MBOAT2: variants seen among roughly 807,000 people sequenced by gnomAD.
MBOAT2 encodes membrane-bound glycerophospholipid O-acyltransferase 2.
Under a neutral mutation model 63.4 loss-of-function variants are expected in MBOAT2, and 28 were observed. The observed-to-expected ratio is 0.44, with a 90% CI of 0.33 to 0.61. The LOEUF is 0.61. Among genes scored for constraint, MBOAT2 ranks in the 20% least tolerant of loss-of-function variants. The probability of loss-of-function intolerance (pLI) is 0.03; values close to 1 mark genes in which losing one functional copy is unlikely to be tolerated. For synonymous variants in MBOAT2, 211 were observed against 215.6 expected (o/e 0.98, Z 0.19); for missense variants, 470 against 605.8 (o/e 0.78, Z 2.35).
At chr2:8,991,761 T>C (rs964858651) in intron 1 of MBOAT2, among the ~76,000 whole-genome samples, 8 of 152,226 alleles carry the variant, frequency 5.3e-5, no homozygotes, top group Non-Finnish European at 1.2e-4. Flanking sequence ...CTTAAAATTT[T>C]ACCCCAAATT....
chr2:8,959,580 G>C (rs1027113697), intron 1 of MBOAT2, among the ~76,000 whole-genome samples: 7 of 151,584 alleles, frequency 4.6e-5, no homozygotes, highest in African/African-American at 1.5e-4. Context: ...TCCCACCTCA[G>C]CCTTCCAAGT....
chr2:8,965,417 T>C (rs900447049), intron 1 of MBOAT2, among the ~76,000 whole-genome samples: 1 of 152,188 alleles, frequency 6.6e-6, no homozygotes, highest in Non-Finnish European at 1.5e-5. Context: ...GTACAGCAGA[T>C]GTGGGACCTC....
chr2:8,961,776 C>T (rs1359415425), intron 1 of MBOAT2, among the ~76,000 whole-genome samples: 1 of 152,148 alleles, frequency 6.6e-6, no homozygotes, highest in East Asian at 1.9e-4. Flanking sequence ...CTCAAATCTC[C>T]ACCCGCAGGG....
In MBOAT2 at chr2:8,884,057, T is replaced by C. The variant is rs1291011080; in HGVS notation, c.452-1492A>G. 2.8e-5 allele frequency among the ~76,000 whole-genome samples: 4 copies of C among 144,972 alleles called. No homozygotes were observed. In the South Asian group the frequency reaches 6.5e-4, roughly 23 times the overall value. On this transcript the variant is annotated intron_variant, in intron 5 of 12. Coordinates refer to ENST00000305997, the MANE Select transcript of MBOAT2 (RefSeq NM_138799.4). Reference sequence around the variant, plus strand: ...GGCCAACATGGTGAAACCTTGTCTTTACTAAAAAAAAAAAAAAAGAAAAAA... The same window carrying C: ...GGCCAACATGGTGAAACCTTGTCTTCACTAAAAAAAAAAAAAAAGAAAAAA...
chr2:8,985,173 A>C (rs983595524), intron 1 of MBOAT2, among the ~76,000 whole-genome samples: 1 of 152,180 alleles, frequency 6.6e-6, no homozygotes, highest in African/African-American at 2.4e-5. Flanking sequence ...TCAACTGGCT[A>C]TATTAGCTGA....
intron 1 of MBOAT2, among the ~76,000 whole-genome samples, chr2:8,985,222 T>C (rs949151817): frequency 1.1e-4 from 17 of 152,198 alleles, no homozygotes; most frequent in Admixed American, 2.6e-4. Context: ...CTGATGCTGA[T>C]TGAAAAATGA....
intron 1 of MBOAT2, among the ~76,000 whole-genome samples, chr2:8,991,211 G>A (rs181222391): frequency 3.9e-5 from 6 of 152,082 alleles, no homozygotes; most frequent in Admixed American, 2.6e-4. Flanking sequence ...CTAGAAAAAC[G>A]AAAAACTGAC....
At chr2:8,962,525 T>C (rs544443141) in intron 1 of MBOAT2, among the ~76,000 whole-genome samples, 3 of 152,322 alleles carry the variant, frequency 2.0e-5, no homozygotes, top group Admixed American at 6.5e-5. Flanking sequence ...TTCAGAGTTG[T>C]TCTATCTGCA....
chr2:8,987,799 T>C (rs1400642465), intron 1 of MBOAT2, among the ~76,000 whole-genome samples: 2 of 152,198 alleles, frequency 1.3e-5, no homozygotes, highest in African/African-American at 4.8e-5. Context: ...ATGAGCCCAA[T>C]TTTGTTTGAA....
At chr2:9,002,321 C>T (rs1672752294) in intron 1 of MBOAT2, among the ~76,000 whole-genome samples, 1 of 152,182 alleles carries the variant, frequency 6.6e-6, no homozygotes, top group African/African-American at 2.4e-5. Flanking sequence ...CTTCGACATA[C>T]TTAAGGCGAT....
At chr2:8,966,331 A>C (rs1669979536) in intron 1 of MBOAT2, among the ~76,000 whole-genome samples, 1 of 152,200 alleles carries the variant, frequency 6.6e-6, no homozygotes, top group African/African-American at 2.4e-5. Flanking sequence ...TACTCACCAG[A>C]CTAAGAAGAC....
chr2:8,918,400 T>C (rs553047874), intron 3 of MBOAT2, among the ~76,000 whole-genome samples: 2 of 152,266 alleles, frequency 1.3e-5, no homozygotes, highest in South Asian at 4.1e-4. Context: ...ACATCAAAGA[T>C]CACTGATCTC....
intron 3 of MBOAT2, 56 bp from the exon 4 acceptor site, chr2:8,908,772 T>C: frequency 9.4e-7 from 1 of 1,067,100 alleles, no homozygotes; most frequent in Non-Finnish European, 1.4e-6. Context: ...TGTTAAAGAG[T>C]ACATTTTAAA....
chr2:8,943,116 TAAAA>T (rs771107431), intron 3 of MBOAT2, 67 bp downstream of exon 3: 23 of 828,678 alleles, frequency 2.8e-5, no homozygotes, highest in Non-Finnish European at 7.1e-6. Context: ...ATGTAATAAA[TAAAA>T]TTCTATTTTG....
At chr2:8,998,248 C>G (rs1041598742) in intron 1 of MBOAT2, among the ~76,000 whole-genome samples, 3 of 152,212 alleles carry the variant, frequency 2.0e-5, no homozygotes, top group Admixed American at 2.0e-4. Flanking sequence ...AGGAATCGTT[C>G]ACAGCAGACT....
At chr2:8,872,964 C>A (rs1006708402) in intron 8 of MBOAT2, 144 bp downstream of exon 8, 2 of 561,346 alleles carry the variant, frequency 3.6e-6, no homozygotes, top group Non-Finnish European at 6.1e-6. Context: ...ATATGAGTTG[C>A]GAGGGCTGTT....
Position 9,003,080 on chromosome 2 carries a change from C to T in MBOAT2, c.75+460G>A, listed in dbSNP as rs1672821101. 6.6e-6 allele frequency among the ~76,000 whole-genome samples: 1 copy of T among 152,182 alleles called. No individual in the cohort carries two copies. Among genetic ancestry groups the T allele is most frequent in the Non-Finnish European group, 1.5e-5 (1 of 68,014 alleles). ...CACACCCAGACCCATGCATCAGCCT[C>T]TCCGGGGGTCGCTCAGAGGCGCGCG... On this transcript the variant is annotated intron_variant, in intron 1 of 12. Transcript: ENST00000305997. The surrounding 1 kb of genome is among the most constrained non-coding windows in gnomAD (Gnocchi z 5.4).
At position 8,865,383 on chromosome 2, in the gene MBOAT2, C is replaced by T. The variant is rs1162616028; in HGVS notation, c.988-1149G>A. 7.2e-5 allele frequency among the ~76,000 whole-genome samples: 11 copies of T among 152,246 alleles called. No homozygotes were observed. The South Asian group carries it at 1.2e-3, about 17-fold the overall frequency. On this transcript the variant is annotated intron_variant, in intron 9 of 12. Coordinates refer to ENST00000305997, the MANE Select transcript of MBOAT2 (RefSeq NM_138799.4). ...TCCAAATTCTCATCATCGAACTACACACTCAGCTGCACACACACTTATCCT... is the reference window on the plus strand; with the variant it reads ...TCCAAATTCTCATCATCGAACTACATACTCAGCTGCACACACACTTATCCT...
rs1010158799 is a variant in MBOAT2 at position 8,855,608 on chromosome 2, G to A, written c.*3071C>T. 1 of 152,098 alleles carries A rather than the reference G, an allele frequency of 6.6e-6. No individual in the cohort carries two copies. The highest frequency in any genetic ancestry group is 2.4e-5 in the African/African-American group (1 of 41,412). The allele number at this position is 152,098 out of a possible 1,614,324, so 9.4% of individuals were successfully genotyped here. A position where few individuals can be genotyped will look rare whatever the true frequency, so the allele number is the denominator to read the frequency against. ...CCAAATAAATCTTCTCTATCCTGCCGGATATTTTAGAAGCTAAATAAATTC... is the reference window on the plus strand; with the variant it reads ...CCAAATAAATCTTCTCTATCCTGCCAGATATTTTAGAAGCTAAATAAATTC... On this transcript the variant is annotated 3_prime_UTR_variant, in exon 13 of 13. Transcript: ENST00000305997.
Sources: allele counts gnomAD v4.1 joint callset (sites outside exome capture counted in the v4.1 genomes callset), GRCh38; gene constraint gnomAD v4.1.1; non-coding constraint Gnocchi (gnomAD v3.1); transcripts MANE v1.5; gene names NCBI Gene and HGNC (gene_info 2026-07-23, HGNC 2026-07-21).